The following EXOC4 variants were observed in gnomAD, a reference collection of about 807,000 sequenced individuals.
EXOC4 encodes exocyst complex component 4.
In EXOC4, 71 loss-of-function variants were observed where a neutral mutation model predicts 107.2. That is an observed-to-expected ratio of 0.66 (90% confidence interval 0.55 to 0.81). The LOEUF (loss-of-function observed/expected upper bound fraction) is 0.81, where lower values mean the gene tolerates loss of function less well. EXOC4 is among the 30% of genes least tolerant of loss of function. The pLI, the probability that EXOC4 is intolerant of heterozygous loss-of-function variation, is 0.00. For synonymous variants in EXOC4, 456 were observed against 441.2 expected (o/e 1.03, Z -0.42); for missense variants, 1,108 against 1,189.6 (o/e 0.93, Z 1.01).
intron 15 of EXOC4, among the ~76,000 whole-genome samples, chr7:134,002,489 T>C (rs529760100): frequency 2.6e-4 from 39 of 152,152 alleles, no homozygotes; most frequent in African/African-American, 9.4e-4. Flanking sequence ...TCATCAAAAT[T>C]AAAACCATTT....
intron 10 of EXOC4, among the ~76,000 whole-genome samples, chr7:133,713,147 A>G (rs1045964804): frequency 1.3e-5 from 2 of 152,236 alleles, no homozygotes; most frequent in African/African-American, 2.4e-5. Context: ...AGGAAAAAAA[A>G]TAGCTAAGAA....
intron 10 of EXOC4, among the ~76,000 whole-genome samples, chr7:133,685,320 G>A (rs995176066): frequency 7.2e-5 from 11 of 152,098 alleles, no homozygotes; most frequent in African/African-American, 2.4e-4. Flanking sequence ...GAGATCTGAT[G>A]GTTTTCTAAA....
At chr7:133,493,165 C>T (rs187476540) in intron 9 of EXOC4, among the ~76,000 whole-genome samples, 7 of 152,278 alleles carry the variant, frequency 4.6e-5, no homozygotes, top group South Asian at 2.1e-4. Flanking sequence ...TGACTCATGC[C>T]TGTAATCCCA....
At chr7:133,725,217 T>A (rs1795189751) in intron 10 of EXOC4, among the ~76,000 whole-genome samples, 1 of 152,130 alleles carries the variant, frequency 6.6e-6, no homozygotes, top group Non-Finnish European at 1.5e-5. Context: ...GTCAGAAAAA[T>A]TTTATACATT....
At chr7:133,608,339 C>T (rs1801996648) in intron 9 of EXOC4, among the ~76,000 whole-genome samples, 1 of 151,810 alleles carries the variant, frequency 6.6e-6, no homozygotes, top group African/African-American at 2.4e-5. Context: ...TTTCTTTCTG[C>T]CTTCTCAGAA....
intron 10 of EXOC4, among the ~76,000 whole-genome samples, chr7:133,660,915 C>G (rs1234178841): frequency 6.6e-6 from 1 of 152,166 alleles, no homozygotes; most frequent in Non-Finnish European, 1.5e-5. Flanking sequence ...CATGTCTTAT[C>G]TTAATTCTCA....
the EXOC4 span, among the ~76,000 whole-genome samples, chr7:134,086,152 A>G: frequency 1.3e-5 from 2 of 152,240 alleles, no homozygotes; most frequent in Non-Finnish European, 2.9e-5. Context: ...ATAAAAGGAA[A>G]TACTTATTTA....
chr7:134,005,622 G>GTT (rs1168180868), intron 16 of EXOC4, among the ~76,000 whole-genome samples: 1 of 152,122 alleles, frequency 6.6e-6, no homozygotes, highest in Non-Finnish European at 1.5e-5. Context: ...GCCATCTAAA[G>GTT]ACATTACCCT....
chr7:133,805,126 C>G (rs1298986558), intron 10 of EXOC4, among the ~76,000 whole-genome samples: 1 of 151,990 alleles, frequency 6.6e-6, no homozygotes, highest in East Asian at 1.9e-4. Context: ...AAGAGAAAAA[C>G]AGGTAGAAAA....
chr7:133,283,995 C>T (rs1037250572), intron 2 of EXOC4, among the ~76,000 whole-genome samples: 1 of 152,260 alleles, frequency 6.6e-6, no homozygotes, highest in Non-Finnish European at 1.5e-5. Context: ...AAGCAGAAGG[C>T]TCAGGGCAAT....
At chr7:133,401,174 C>CT (rs34379831) in intron 7 of EXOC4, among the ~76,000 whole-genome samples, 41,398 of 143,038 alleles carry the variant, frequency 0.29, 6,071 homozygotes, top group South Asian at 0.41. Flanking sequence ...CCAGAGCCCA[C>CT]TTTTTTTTTT....
chr7:133,561,424 A>G (rs1800801676), intron 9 of EXOC4, among the ~76,000 whole-genome samples: 2 of 152,298 alleles, frequency 1.3e-5, no homozygotes, highest in Admixed American at 6.5e-5. Flanking sequence ...AGTGATTTCC[A>G]GGAAGCCATT....
At chr7:133,723,683 G>C (rs750759694) in intron 10 of EXOC4, among the ~76,000 whole-genome samples, 1 of 152,108 alleles carries the variant, frequency 6.6e-6, no homozygotes, top group African/African-American at 2.4e-5. Flanking sequence ...TAGAAACGGG[G>C]TTTCACTATG....
intron 13 of EXOC4, among the ~76,000 whole-genome samples, chr7:133,923,279 C>A (rs542048404): frequency 6.6e-6 from 1 of 152,044 alleles, no homozygotes; most frequent in Non-Finnish European, 1.5e-5. Context: ...CAGGCACCCA[C>A]CACAACGCCT....
chr7:133,885,362 A>C (rs1475089819), intron 11 of EXOC4, among the ~76,000 whole-genome samples: 1 of 151,676 alleles, frequency 6.6e-6, no homozygotes, highest in Non-Finnish European at 1.5e-5. Flanking sequence ...TAGTGGTCTG[A>C]TTTCACCTTA....
intron 3 of EXOC4, among the ~76,000 whole-genome samples, chr7:133,295,726 C>T (rs1563006716): frequency 1.3e-5 from 2 of 151,984 alleles, no homozygotes; most frequent in African/African-American, 2.4e-5. Context: ...CTTCTTTATG[C>T]GCAAGGAATG....
At chr7:133,838,868 A>G (rs140513554) in intron 11 of EXOC4, among the ~76,000 whole-genome samples, 1 of 152,336 alleles carries the variant, frequency 6.6e-6, no homozygotes, top group East Asian at 1.9e-4. Context: ...GTACAATTTT[A>G]TTTACAAAAC....
At chr7:133,315,436 A>G (rs1162212969) in intron 4 of EXOC4, 3 of 152,178 alleles carry the variant, frequency 2.0e-5, no homozygotes, top group African/African-American at 7.2e-5. Context: ...AAGATGGTGG[A>G]AAGAGCTCTT....
intron 10 of EXOC4, among the ~76,000 whole-genome samples, chr7:133,659,368 A>G (rs184465891): frequency 5.3e-5 from 8 of 152,248 alleles, no homozygotes; most frequent in African/African-American, 1.7e-4. Flanking sequence ...GAACGTATTC[A>G]TTCCCTCACT....
Sources: gnomAD v4.1 joint callset for allele counts (sites outside exome capture counted in the v4.1 genomes callset) on GRCh38, gnomAD v4.1.1 for gene constraint, MANE v1.5 for transcripts, NCBI Gene and HGNC (gene_info 2026-07-23, HGNC 2026-07-21) for gene names.